The following GPR153 variants were observed in gnomAD, a reference collection of about 807,000 sequenced individuals.
The protein encoded by GPR153 is probable G protein-coupled receptor 153.
In GPR153, 27 loss-of-function variants were observed where a neutral mutation model predicts 34.1. That is an observed-to-expected ratio of 0.79 (90% CI 0.58 to 1.09). The LOEUF is 1.09. Among genes scored for constraint, GPR153 ranks in the 50% least tolerant of loss-of-function variants. The pLI is 0.00. For missense variants in GPR153, 848 were observed against 860.2 expected (o/e 0.99, Z 0.18); for synonymous variants, 408 against 405.4 (o/e 1.01, Z -0.08).
chr1:6,248,241 C>T lies in GPR153; in HGVS notation c.*1097G>A, dbSNP rs1198141101. ...GGAAGGCAAAGAAATACATTGCTCC[C>T]AGGGGTTGGACGCCTGCCCGGGACC... On this transcript the variant is annotated 3_prime_UTR_variant, in exon 6 of 6. Transcript: ENST00000377893. 6.6e-6 allele frequency: 1 copy of T among 152,334 alleles called. No individual in the cohort carries two copies. Among genetic ancestry groups the T allele is most frequent in the Non-Finnish European group, 1.5e-5 (1 of 68,150 alleles). 9.4% of individuals were successfully genotyped at this position (152,334 alleles called of 1,614,324 possible).
chr1:6,260,509 C>G (rs1052765713), intron 1 of GPR153, among the ~76,000 whole-genome samples: 5 of 151,796 alleles, frequency 3.3e-5, no homozygotes, highest in African/African-American at 1.2e-4. Context: ...GGGACTGCGG[C>G]CCCCGGACCC....
chr1:6,255,641 CGTTTTTT>C lies in GPR153; in HGVS notation c.-109-634_-109-628del, dbSNP rs1197525280. Among the ~76,000 whole-genome samples, 23 of 35,184 alleles carry C rather than the reference CGTTTTTT, an allele frequency of 6.5e-4. No homozygotes were observed. In the South Asian group the frequency reaches 0.023, roughly 36 times the overall value. The allele number at this position is 35,184 out of a possible 152,430, so 23.1% of individuals were successfully genotyped here. ...AGGCCTGCACCACTATGCCTGGCTA[CGTTTTTT>C]TTTTTTTTTTTTTTTTTTTTTTGAG... is the stretch of plus-strand genomic sequence containing the variant. On this transcript the variant is annotated intron_variant, in intron 1 of 5. Coordinates refer to ENST00000377893, the MANE Select transcript of GPR153 (RefSeq NM_207370.4).
chr1:6,249,804 C>T lies in GPR153; in HGVS notation c.1364G>A (p.Arg455His), dbSNP rs1276885047. Residue 455 changes from arginine (R) to histidine (H), a missense_variant, in exon 6 of 6, where the codon CGC becomes CAC. Arg to His is a conservative substitution (Grantham distance 29). Transcript: ENST00000377893. This position sits in a 1 kb window ranked among gnomAD's most constrained non-coding sequence, Gnocchi z 4.3. ...EDAPPSRARRRSAESLLSLRP... is the reference protein window; with the variant it reads ...EDAPPSRARRHSAESLLSLRP... ...CAGCGACAGCAGGCTCTCGGCCGAGCGGCGGCGCGCGCGGGACGGTGGTGC... is the reference window on the plus strand; with the variant it reads ...CAGCGACAGCAGGCTCTCGGCCGAGTGGCGGCGCGCGCGGGACGGTGGTGC... The T allele has an allele frequency of 8.4e-7, 1 of 1,191,120 alleles. No homozygotes were observed. Among genetic ancestry groups the T allele is most frequent in the Non-Finnish European group, 1.0e-6 (1 of 962,678 alleles). The allele number at this position is 1,191,120 out of a possible 1,614,324, so 73.8% of individuals were successfully genotyped here. A position where few individuals can be genotyped will look rare whatever the true frequency, so the allele number is the denominator to read the frequency against.
chr1:6,249,228 T>G lies in GPR153; in HGVS notation c.*110A>C. The stretch of plus-strand genomic sequence containing the variant: ...GCTGAGGCCAACGCCCCCTCACCCC[T>G]GGGAGGGGTGGCGCATGTCTGCGCG... On this transcript the variant is annotated 3_prime_UTR_variant, in exon 6 of 6. Transcript: ENST00000377893. This position sits in a 1 kb window ranked among gnomAD's most constrained non-coding sequence, Gnocchi z 4.3. The G allele has an allele frequency of 1.5e-5, 12 of 787,800 alleles. No homozygotes were observed. The highest frequency in any genetic ancestry group is 2.1e-5 in the Non-Finnish European group (12 of 583,298). 48.8% of individuals were successfully genotyped at this position (787,800 alleles called of 1,614,324 possible). A position where few individuals can be genotyped will look rare whatever the true frequency, so the allele number is the denominator to read the frequency against.
Position 6,250,497 on chromosome 1 carries a change from GC to G in GPR153, c.1106del (p.Gly369AlafsTer137). ...AKYEISALEGGLPQLYPLRPL... is the reference protein window; with the variant it reads ...AKYEISALEGXLPQLYPLRPL... The stretch of plus-strand genomic sequence containing the variant: ...GCCGCAGTGGGTAGAGCTGGGGCAG[GC>G]CCCCCTCCAGGGCGGAGATCTCATA... On this transcript the variant is annotated frameshift_variant, in exon 5 of 6. Coordinates refer to ENST00000377893, the MANE Select transcript of GPR153 (RefSeq NM_207370.4). LOFTEE classifies it high-confidence loss of function. 6.2e-7 allele frequency: 1 copy of G among 1,610,362 alleles called. No homozygotes were observed. Among genetic ancestry groups the G allele is most frequent in the Non-Finnish European group, 8.5e-7 (1 of 1,178,770 alleles).
intron 1 of GPR153, among the ~76,000 whole-genome samples, chr1:6,259,211 A>T (rs28491395): frequency 6.6e-6 from 1 of 152,200 alleles, no homozygotes. Flanking sequence ...ACAGTGAGCC[A>T]TGATTGTGCC....
At chr1:6,258,833 G>A (rs1638615702) in intron 1 of GPR153, among the ~76,000 whole-genome samples, 3 of 152,094 alleles carry the variant, frequency 2.0e-5, no homozygotes, top group Non-Finnish European at 4.4e-5. Context: ...CCTTGGCCCC[G>A]CCCACCCTGT....
In GPR153 at chr1:6,254,065, C is replaced by T. The variant is rs560791282; in HGVS notation, c.439G>A (p.Val147Ile). 1.9e-5 allele frequency: 31 copies of T among 1,613,508 alleles called. No individual in the cohort carries two copies. Among genetic ancestry groups the T allele is most frequent in the Admixed American group, 1.0e-4 (6 of 60,034 alleles). Residue 147 changes from valine to isoleucine, a missense_variant, in exon 3 of 6, where the codon GTT becomes ATT. Val to Ile is a conservative substitution (Grantham distance 29, BLOSUM62 3). Coordinates refer to ENST00000377893, the MANE Select transcript of GPR153 (RefSeq NM_207370.4). ...CGCTCGCTGGTGTCGTGCCAGCCAACGGCAGGCAGGGCCGACAGGATGAAG... is the reference window on the plus strand; with the variant it reads ...CGCTCGCTGGTGTCGTGCCAGCCAATGGCAGGCAGGGCCGACAGGATGAAG... ...VSFILSALPA[V>I]GWHDTSERFY...
intron 5 of GPR153, 118 bp from the exon 6 acceptor site, chr1:6,250,121 A>G (rs1490232925): frequency 3.0e-6 from 4 of 1,312,762 alleles, no homozygotes; most frequent in East Asian, 6.1e-5. Context: ...GCGCTGGGGC[A>G]GTCTGGCTGG....
chr1:6,258,931 C>T (rs367945748), intron 1 of GPR153, among the ~76,000 whole-genome samples: 6 of 152,334 alleles, frequency 3.9e-5, no homozygotes, highest in African/African-American at 1.2e-4. Context: ...TTCTTCCTCT[C>T]GTCTAGCCTA....
At chr1:6,255,663 T>G (rs1475089820) in intron 1 of GPR153, among the ~76,000 whole-genome samples, 1 of 141,606 alleles carries the variant, frequency 7.1e-6, no homozygotes, top group African/African-American at 2.7e-5. Flanking sequence ...TTTTTTTTTT[T>G]TTTTTTTGAG....
At chr1:6,250,661 A>C in intron 4 of GPR153, 37 bp from the exon 5 acceptor site, 1 of 489,774 alleles carries the variant, frequency 2.0e-6, no homozygotes, top group Non-Finnish European at 3.6e-6. Context: ...GCAGAGCCTT[A>C]GGGTCATGGA....
At chr1:6,253,593 T>C in intron 3 of GPR153, 125 bp downstream of exon 3, 1 of 883,940 alleles carries the variant, frequency 1.1e-6, no homozygotes, top group Non-Finnish European at 1.7e-6. Context: ...ATCTGGAAAA[T>C]GGGGACGATG....
chr1:6,250,360 G>T, intron 5 of GPR153, 80 bp downstream of exon 5: 1 of 1,480,872 alleles, frequency 6.8e-7, no homozygotes, highest in Non-Finnish European at 9.0e-7. Flanking sequence ...CGTGAGATGG[G>T]CTCCGAGTGG....
Position 6,254,951 on chromosome 1 carries a change from C to T in GPR153, c.-46G>A. 2.1e-6 allele frequency: 3 copies of T among 1,446,792 alleles called. No homozygotes were observed. Among genetic ancestry groups the T allele is most frequent in the Non-Finnish European group, 2.8e-6 (3 of 1,082,916 alleles). The allele number at this position is 1,446,792 out of a possible 1,614,324, so 89.6% of individuals were successfully genotyped here. A position where few individuals can be genotyped will look rare whatever the true frequency, so the allele number is the denominator to read the frequency against. On this transcript the variant is annotated 5_prime_UTR_variant, in exon 2 of 6. Transcript: ENST00000377893. ...GGCGGCTGTGGCATCCTCCTTGGAG[C>T]CAGGTCTCAGGGAGCAGCAGCCCTC...
At chr1:6,259,723 A>C (rs897640929) in intron 1 of GPR153, among the ~76,000 whole-genome samples, 1 of 152,102 alleles carries the variant, frequency 6.6e-6, no homozygotes, top group African/African-American at 2.4e-5. Flanking sequence ...CCGGGTTCCA[A>C]GTGCAGAGTG....
At chr1:6,254,499 G>A (rs1456081055) in intron 2 of GPR153, 51 bp downstream of exon 2, 3 of 1,458,344 alleles carry the variant, frequency 2.1e-6, no homozygotes, top group Admixed American at 2.2e-5. Flanking sequence ...ATATGTCTTT[G>A]TTTTCACGCC....
intron 1 of GPR153, among the ~76,000 whole-genome samples, chr1:6,258,166 A>C (rs1638602630): frequency 6.6e-6 from 1 of 151,900 alleles, no homozygotes; most frequent in African/African-American, 2.4e-5. Context: ...TTTGAGATGG[A>C]GTTTTACTCT....
Position 6,255,021 on chromosome 1 carries a change from G to C in GPR153, c.-109-7C>G. On this transcript the variant is annotated splice_region_variant and splice_polypyrimidine_tract_variant and intron_variant, in intron 1 of 5. Coordinates refer to ENST00000377893, the MANE Select transcript of GPR153 (RefSeq NM_207370.4). ...TGCTGGGGACCACGAGCATCTGTGG[G>C]GGGGTGGCAGTGGGCACTCAGTGAC... 1.4e-6 allele frequency: 1 copy of C among 699,320 alleles called. No homozygotes were observed. The highest frequency in any genetic ancestry group is 2.2e-6 in the Non-Finnish European group (1 of 444,552). 43.3% of individuals were successfully genotyped at this position (699,320 alleles called of 1,614,324 possible).
Sources: allele counts gnomAD v4.1 joint callset (sites outside exome capture counted in the v4.1 genomes callset), GRCh38; gene constraint gnomAD v4.1.1; non-coding constraint Gnocchi (gnomAD v3.1); transcripts MANE v1.5; gene names NCBI Gene and HGNC (gene_info 2026-07-23, HGNC 2026-07-21).